The following TENM2 variants were observed in gnomAD, a reference collection of about 807,000 sequenced individuals.
TENM2 encodes teneurin transmembrane protein 2, also known as teneurin-2.
Under a neutral mutation model 245.2 loss-of-function variants are expected in TENM2, and 52 were observed. The ratio of observed to expected loss-of-function variants is 0.21; its 90% CI spans 0.17 to 0.27. The LOEUF (loss-of-function observed/expected upper bound fraction) is 0.27. Ranked by LOEUF, TENM2 falls within the 10% of genes least tolerant of loss-of-function variation. TENM2 has a pLI of 1.00. For synonymous variants in TENM2, 1,363 were observed against 1,438.9 expected, an observed-to-expected ratio of 0.95 and a Z score of 1.19; for missense variants, 3,046 against 3,666.8, an observed-to-expected ratio of 0.83 and a Z score of 4.37.
At chr5:167,692,264 G>A in intron 2 of TENM2, among the ~76,000 whole-genome samples, 1 of 152,104 alleles carries the variant, frequency 6.6e-6, no homozygotes, top group East Asian at 1.9e-4. Context: ...TTATTAAAAA[G>A]GTCAAATGAA....
At chr5:167,828,266 G>A (rs1324455662) in intron 2 of TENM2, among the ~76,000 whole-genome samples, 1 of 152,108 alleles carries the variant, frequency 6.6e-6, no homozygotes, top group Non-Finnish European at 1.5e-5. Flanking sequence ...CATCTTTGTA[G>A]GACCGGCTAC....
At chr5:167,755,626 T>C (rs1363614072) in intron 2 of TENM2, among the ~76,000 whole-genome samples, 2 of 152,310 alleles carry the variant, frequency 1.3e-5, no homozygotes, top group East Asian at 3.9e-4. Context: ...GCGGTAGCTC[T>C]CTGTGTACTA....
At chr5:167,827,787 C>A (rs1448941798) in intron 2 of TENM2, among the ~76,000 whole-genome samples, 2 of 152,140 alleles carry the variant, frequency 1.3e-5, no homozygotes, top group Admixed American at 1.3e-4. Flanking sequence ...AATTTTCCAA[C>A]CTCTGGACAA....
chr5:167,732,995 A>G (rs1760541496), intron 2 of TENM2, among the ~76,000 whole-genome samples: 1 of 152,158 alleles, frequency 6.6e-6, no homozygotes, highest in African/African-American at 2.4e-5. Flanking sequence ...GAATTTTTTG[A>G]CACTAGATTT....
chr5:167,249,251 T>C, the TENM2 span, among the ~76,000 whole-genome samples: 1 of 152,120 alleles, frequency 6.6e-6, no homozygotes, highest in South Asian at 2.1e-4. Flanking sequence ...AAAGAGCAAA[T>C]GAAATACAAG....
chr5:167,535,801 A>C (rs1424351680), intron 2 of TENM2, among the ~76,000 whole-genome samples: 1 of 152,250 alleles, frequency 6.6e-6, no homozygotes, highest in African/African-American at 2.4e-5. Flanking sequence ...TAAATTACTT[A>C]GTCTCAGGTA....
chr5:167,204,349 T>A, the TENM2 span, among the ~76,000 whole-genome samples: 1 of 152,086 alleles, frequency 6.6e-6, no homozygotes, highest in Non-Finnish European at 1.5e-5. Context: ...CTGTTTGGAA[T>A]GAGAAGAGAT....
intron 2 of TENM2, among the ~76,000 whole-genome samples, chr5:167,760,391 A>G (rs1046944706): frequency 6.6e-6 from 1 of 152,212 alleles, no homozygotes; most frequent in African/African-American, 2.4e-5. Context: ...AAGGCATTGG[A>G]CATAGGAGGA....
At chr5:167,626,591 AGT>A (rs1220699002) in intron 2 of TENM2, among the ~76,000 whole-genome samples, 1 of 152,232 alleles carries the variant, frequency 6.6e-6, no homozygotes, top group African/African-American at 2.4e-5. Context: ...CTCAATCATG[AGT>A]TCTAGGGAAT....
At chr5:167,853,309 AAAAG>A (rs1305177966) in intron 2 of TENM2, among the ~76,000 whole-genome samples, 4 of 138,584 alleles carry the variant, frequency 2.9e-5, no homozygotes, top group African/African-American at 5.6e-5. Context: ...AAAAAAAAAA[AAAAG>A]AAAGTGATCG....
At chr5:167,455,432 C>A (rs1402188301) in intron 2 of TENM2, among the ~76,000 whole-genome samples, 5 of 141,506 alleles carry the variant, frequency 3.5e-5, no homozygotes, top group Admixed American at 1.5e-4. Context: ...CTGGATTATC[C>A]CCTTGTTGTT....
At chr5:167,445,332 T>G (rs200838336) in intron 2 of TENM2, among the ~76,000 whole-genome samples, 11,928 of 76,258 alleles carry the variant, frequency 0.16, 1,413 homozygotes, top group East Asian at 0.46. Flanking sequence ...TATATATATA[T>G]ATATAGAGAG....
chr5:167,221,775 T>A, the TENM2 span, among the ~76,000 whole-genome samples: 1 of 152,304 alleles, frequency 6.6e-6, no homozygotes, highest in Admixed American at 6.5e-5. Context: ...GCTCCAGGAA[T>A]CTTCTGCTTT....
chr5:167,860,046 C>T (rs1444828220), intron 2 of TENM2, among the ~76,000 whole-genome samples: 15 of 92,000 alleles, frequency 1.6e-4, no homozygotes, highest in Non-Finnish European at 1.4e-4. Context: ...CCGCCCCGTC[C>T]GGGAGGGAGG....
At chr5:168,055,628 T>G (rs1002632121) in intron 6 of TENM2, among the ~76,000 whole-genome samples, 2 of 152,208 alleles carry the variant, frequency 1.3e-5, no homozygotes, top group East Asian at 3.9e-4. Flanking sequence ...CTTTCATTAA[T>G]AGTGCCTACA....
the TENM2 span, among the ~76,000 whole-genome samples, chr5:167,101,849 TTA>T: frequency 0.041 from 2,856 of 69,382 alleles, 174 homozygotes; most frequent in African/African-American, 0.057. Context: ...ATATATATAT[TTA>T]TATATATATA....
At chr5:167,577,883 A>C (rs188840446) in intron 2 of TENM2, among the ~76,000 whole-genome samples, 1 of 152,300 alleles carries the variant, frequency 6.6e-6, no homozygotes, top group African/African-American at 2.4e-5. Flanking sequence ...GCCAGGTCTT[A>C]ACTCCCTCCC....
chr5:168,230,777 A>C (rs1311010994), intron 25 of TENM2: 1 of 152,222 alleles, frequency 6.6e-6, no homozygotes, highest in Non-Finnish European at 1.5e-5. Flanking sequence ...AGAGAGATAA[A>C]GAAAACTGGG....
chr5:167,753,113 C>T (rs1762066794), intron 2 of TENM2, among the ~76,000 whole-genome samples: 2 of 152,180 alleles, frequency 1.3e-5, no homozygotes, highest in South Asian at 4.2e-4. Context: ...TTAGACCACA[C>T]CCAGAAAATT....
Sources: gnomAD v4.1 joint callset for allele counts (sites outside exome capture counted in the v4.1 genomes callset) on GRCh38, gnomAD v4.1.1 for gene constraint, MANE v1.5 for transcripts, NCBI Gene and HGNC (gene_info 2026-07-23, HGNC 2026-07-21) for gene names.